The following KCNH5 variants were observed in gnomAD, a reference collection of about 807,000 sequenced individuals.
The protein encoded by KCNH5 is voltage-gated delayed rectifier potassium channel KCNH5.
A neutral mutation model predicts 96.1 loss-of-function variants in KCNH5; 46 were observed. That is an observed-to-expected ratio of 0.48 (90% CI 0.38 to 0.61). The LOEUF is 0.61. Among genes scored for constraint, KCNH5 ranks in the 20% least tolerant of loss-of-function variants. KCNH5 has a pLI of 0.00. For missense variants in KCNH5, 907 were observed against 1,225.8 expected (o/e 0.74, Z 3.88); for synonymous variants, 439 against 449.8 (o/e 0.98, Z 0.30).
intron 8 of KCNH5, among the ~76,000 whole-genome samples, chr14:62,805,403 G>A (rs1322658424): frequency 6.6e-6 from 1 of 151,980 alleles, no homozygotes; most frequent in Non-Finnish European, 1.5e-5. Context: ...CTTATATCCA[G>A]ATATCAAAAA....
intron 7 of KCNH5, among the ~76,000 whole-genome samples, chr14:62,899,210 T>C (rs1345481848): frequency 1.3e-5 from 2 of 152,106 alleles, no homozygotes; most frequent in Non-Finnish European, 2.9e-5. Flanking sequence ...TCAAAAACAT[T>C]TGTATAATAA....
At chr14:62,875,668 T>A (rs1888356979) in intron 7 of KCNH5, among the ~76,000 whole-genome samples, 1 of 152,024 alleles carries the variant, frequency 6.6e-6, no homozygotes. Flanking sequence ...ATGTGACCCA[T>A]CAATCCCATT....
At chr14:62,965,721 A>T (rs1890292473) in intron 6 of KCNH5, among the ~76,000 whole-genome samples, 1 of 152,154 alleles carries the variant, frequency 6.6e-6, no homozygotes, top group African/African-American at 2.4e-5. Flanking sequence ...GAAATTTAAC[A>T]ATTGATCTAG....
chr14:62,831,897 G>A (rs1293821783), intron 8 of KCNH5, among the ~76,000 whole-genome samples: 2 of 151,826 alleles, frequency 1.3e-5, no homozygotes, highest in African/African-American at 4.8e-5. Flanking sequence ...ATTTTTTGTA[G>A]AGACAAAGTC....
intron 2 of KCNH5, among the ~76,000 whole-genome samples, chr14:63,010,112 A>C (rs1198005975): frequency 1.3e-5 from 2 of 152,200 alleles, no homozygotes. Context: ...AATTGGATTC[A>C]CAGAAGCAAT....
chr14:62,885,977 C>T (rs1006616996), intron 7 of KCNH5, among the ~76,000 whole-genome samples: 54 of 152,150 alleles, frequency 3.5e-4, no homozygotes, highest in African/African-American at 1.3e-3. Context: ...CCCCAAATCC[C>T]ATAGCACTTC....
chr14:62,846,256 C>T (rs952379512), intron 8 of KCNH5, among the ~76,000 whole-genome samples: 16 of 151,980 alleles, frequency 1.1e-4, no homozygotes, highest in African/African-American at 2.4e-5. Context: ...GATCGTTTTT[C>T]TCCCCAAGTA....
At chr14:62,767,118 A>G (rs558715044) in intron 10 of KCNH5, among the ~76,000 whole-genome samples, 5 of 152,330 alleles carry the variant, frequency 3.3e-5, no homozygotes, top group South Asian at 2.1e-4. Context: ...CAAAACTACA[A>G]TGAGATACCA....
chr14:62,967,574 A>G (rs1339359925), intron 6 of KCNH5, among the ~76,000 whole-genome samples: 3 of 152,140 alleles, frequency 2.0e-5, no homozygotes, highest in African/African-American at 7.2e-5. Flanking sequence ...TACAAAGACA[A>G]ACATATTCTT....
At chr14:62,814,599 A>AT (rs1271156356) in intron 8 of KCNH5, among the ~76,000 whole-genome samples, 2 of 151,838 alleles carry the variant, frequency 1.3e-5, no homozygotes, top group Admixed American at 1.3e-4. Context: ...CCTGGCCAAC[A>AT]TGGCAAAACG....
At chr14:62,858,809 T>C (rs1887978923) in intron 7 of KCNH5, among the ~76,000 whole-genome samples, 1 of 152,162 alleles carries the variant, frequency 6.6e-6, no homozygotes, top group Non-Finnish European at 1.5e-5. Flanking sequence ...AGAGCATACA[T>C]GGCCTTCTGG....
At chr14:63,042,167 T>C (rs754925042) in intron 1 of KCNH5, among the ~76,000 whole-genome samples, 1 of 151,122 alleles carries the variant, frequency 6.6e-6, no homozygotes, top group Non-Finnish European at 1.5e-5. Context: ...CTGCTCTGTG[T>C]GTTTTGTTTT....
At chr14:62,754,641 G>A (rs1024346527) in intron 10 of KCNH5, among the ~76,000 whole-genome samples, 1 of 152,008 alleles carries the variant, frequency 6.6e-6, no homozygotes, top group Non-Finnish European at 1.5e-5. Flanking sequence ...GGGAGGCTGA[G>A]GTGGGCAGAT....
intron 7 of KCNH5, among the ~76,000 whole-genome samples, chr14:62,947,736 C>A (rs908564339): frequency 8.6e-5 from 13 of 151,960 alleles, no homozygotes; most frequent in South Asian, 4.2e-4. Context: ...CACACACACA[C>A]AAAAACCGAT....
chr14:62,798,149 C>G (rs1259418414), intron 9 of KCNH5, among the ~76,000 whole-genome samples: 2 of 152,134 alleles, frequency 1.3e-5, no homozygotes, highest in Admixed American at 1.3e-4. Context: ...AATTCCATAA[C>G]AATTTTCAAC....
At chr14:62,945,024 G>A (rs781010373) in intron 7 of KCNH5, among the ~76,000 whole-genome samples, 1 of 152,106 alleles carries the variant, frequency 6.6e-6, no homozygotes, top group Non-Finnish European at 1.5e-5. Flanking sequence ...TTCAGAAAAT[G>A]GAAGAGATGA....
At chr14:62,918,022 G>A (rs372161329) in intron 7 of KCNH5, among the ~76,000 whole-genome samples, 4 of 152,104 alleles carry the variant, frequency 2.6e-5, no homozygotes, top group African/African-American at 9.7e-5. Flanking sequence ...ATAGAGTCAT[G>A]ACTAAAACCA....
intron 10 of KCNH5, among the ~76,000 whole-genome samples, chr14:62,738,488 G>C (rs983047286): frequency 1.3e-5 from 2 of 152,080 alleles, no homozygotes; most frequent in African/African-American, 4.8e-5. Context: ...CTGGCTGAAA[G>C]TGTATCATCT....
At chr14:62,708,639 C>A (rs1214932776) in intron 10 of KCNH5, among the ~76,000 whole-genome samples, 184 bp from the exon 11 acceptor site, 1 of 152,008 alleles carries the variant, frequency 6.6e-6, no homozygotes, top group Non-Finnish European at 1.5e-5. Context: ...TTTATGGATG[C>A]AATATGGCTT....
Sources: allele counts gnomAD v4.1 joint callset (sites outside exome capture counted in the v4.1 genomes callset), GRCh38; gene constraint gnomAD v4.1.1; transcripts MANE v1.5; gene names NCBI Gene and HGNC (gene_info 2026-07-23, HGNC 2026-07-21).